The following TRPC4 variants were observed in gnomAD, a reference collection of about 807,000 sequenced individuals.
The protein encoded by TRPC4 is transient receptor potential cation channel subfamily C member 4, also known as short transient receptor potential channel 4.
Under a neutral mutation model 99.4 loss-of-function variants are expected in TRPC4, and 49 were observed. That is an observed-to-expected ratio of 0.49 (90% CI 0.39 to 0.63). The LOEUF (loss-of-function observed/expected upper bound fraction) is 0.63. Ranked by LOEUF, TRPC4 falls within the 20% of genes least tolerant of loss-of-function variation. The probability of loss-of-function intolerance (pLI) is 0.00; values close to 1 mark genes in which losing one functional copy is unlikely to be tolerated. For missense variants in TRPC4, 898 were observed against 1,152.9 expected, an observed-to-expected ratio of 0.78 and a Z score of 3.20; for synonymous variants, 454 against 425.9, an observed-to-expected ratio of 1.07 and a Z score of -0.81.
chr13:37,865,579 A>G (rs969532216), intron 1 of TRPC4, among the ~76,000 whole-genome samples: 10 of 151,872 alleles, frequency 6.6e-5, no homozygotes, highest in Admixed American at 1.3e-4. Flanking sequence ...TTAACAGACT[A>G]TTGTTTCAAA....
At chr13:37,767,160 A>G (rs1956398735) in intron 2 of TRPC4, among the ~76,000 whole-genome samples, 1 of 151,284 alleles carries the variant, frequency 6.6e-6, no homozygotes, top group African/African-American at 2.4e-5. Flanking sequence ...TTTCCTTCTC[A>G]TTCATTGCCT....
At position 37,725,900 on chromosome 13, in the gene TRPC4, A is replaced by G. The variant is rs568854419; in HGVS notation, c.897+20037T>C. Reference sequence around the variant, plus strand: ...AATAAAGATCACAGCAAAAGTGAGTATGTAGATAACTAAAAAGTTAGTATT... The same window carrying G: ...AATAAAGATCACAGCAAAAGTGAGTGTGTAGATAACTAAAAAGTTAGTATT... On this transcript the variant is annotated intron_variant, in intron 3 of 10. Coordinates refer to ENST00000379705, the MANE Select transcript of TRPC4 (RefSeq NM_016179.4). Among the ~76,000 whole-genome samples the G allele has an allele frequency of 2.5e-3, 386 of 152,282 alleles. 1 individual carries two copies. Among genetic ancestry groups the G allele is most frequent in the African/African-American group, 8.6e-3 (359 of 41,570 alleles).
chr13:37,779,551 G>A (rs1225616142), intron 2 of TRPC4, among the ~76,000 whole-genome samples: 1 of 151,832 alleles, frequency 6.6e-6, no homozygotes, highest in African/African-American at 2.4e-5. Context: ...ATTACATGCT[G>A]CATTGAGAAA....
chr13:37,854,440 A>G lies in TRPC4; in HGVS notation c.-28+15155T>C, dbSNP rs559970323. Among the ~76,000 whole-genome samples, 11 of 152,272 alleles carry G rather than the reference A, an allele frequency of 7.2e-5. No homozygotes were observed. In the South Asian group the frequency reaches 2.3e-3, roughly 32 times the overall value. ...AAGAAATGTTAAAGAAAGTTCTTCA[A>G]TCTAAAAGAAAATGGTGTTGATGAT... On this transcript the variant is annotated intron_variant, in intron 1 of 10. Coordinates refer to ENST00000379705, the MANE Select transcript of TRPC4 (RefSeq NM_016179.4).
intron 2 of TRPC4, among the ~76,000 whole-genome samples, chr13:37,763,909 C>T (rs894996198): frequency 3.3e-5 from 5 of 151,498 alleles, no homozygotes; most frequent in East Asian, 1.9e-4. Flanking sequence ...AGGTGACTAA[C>T]GCATGATGAA....
At chr13:37,656,597 T>C (rs1249265745) in intron 6 of TRPC4, among the ~76,000 whole-genome samples, 2 of 152,164 alleles carry the variant, frequency 1.3e-5, no homozygotes, top group African/African-American at 2.4e-5. Flanking sequence ...GCCTGTGGCA[T>C]GCATTAAGGC....
At chr13:37,748,726 A>G (rs1038848539) in intron 2 of TRPC4, among the ~76,000 whole-genome samples, 1 of 152,142 alleles carries the variant, frequency 6.6e-6, no homozygotes, top group Non-Finnish European at 1.5e-5. Flanking sequence ...AATATTGCAG[A>G]AAATTTTATT....
intron 3 of TRPC4, among the ~76,000 whole-genome samples, chr13:37,696,255 G>A (rs1022881733): frequency 1.3e-5 from 2 of 151,948 alleles, no homozygotes; most frequent in Admixed American, 1.3e-4. Flanking sequence ...TCTCCCACCG[G>A]GTCTCTCCCA....
In TRPC4 at chr13:37,783,016, T is replaced by C. The variant is rs774541121; in HGVS notation, c.318A>G (p.Lys106=). 1.2e-6 allele frequency: 2 copies of C among 1,609,420 alleles called. No individual in the cohort carries two copies. Among genetic ancestry groups the C allele is most frequent in the African/African-American group, 2.7e-5 (2 of 74,740 alleles). Residue 106 remains lysine (K), a synonymous_variant, in exon 2 of 11, where the codon AAA becomes AAG. Transcript: ENST00000379705. ...ACAGCTCAACAGCTCCGACGACTTCTTTTCTGATAGCATGTAATAGAGCAT... is the reference window on the plus strand; with the variant it reads ...ACAGCTCAACAGCTCCGACGACTTCCTTTCTGATAGCATGTAATAGAGCAT... The part of the protein sequence containing the change: ...VGDALLHAIR[K]EVVGAVELLL...
chr13:37,672,677 G>C (rs1410437815), intron 5 of TRPC4, among the ~76,000 whole-genome samples: 1 of 152,186 alleles, frequency 6.6e-6, no homozygotes, highest in Non-Finnish European at 1.5e-5. Flanking sequence ...AATCATGACA[G>C]AAGAAGGGGA....
intron 1 of TRPC4, among the ~76,000 whole-genome samples, chr13:37,806,602 C>G (rs546630124): frequency 1.9e-4 from 29 of 152,148 alleles, no homozygotes; most frequent in African/African-American, 6.0e-4. Context: ...CCATGGACAA[C>G]TGCAATGACA....
intron 1 of TRPC4, among the ~76,000 whole-genome samples, chr13:37,824,183 G>T (rs1278952922): frequency 3.3e-5 from 5 of 150,700 alleles, no homozygotes; most frequent in African/African-American, 1.2e-4. Flanking sequence ...CTGAGACAAT[G>T]GGGTTTTCTA....
At chr13:37,666,290 G>A (rs1422098353) in intron 5 of TRPC4, among the ~76,000 whole-genome samples, 1 of 152,148 alleles carries the variant, frequency 6.6e-6, no homozygotes, top group African/African-American at 2.4e-5. Context: ...CCTCTCCTGT[G>A]GTACAAACCC....
chr13:37,645,305 A>T (rs1049830203), intron 8 of TRPC4, among the ~76,000 whole-genome samples: 1 of 152,150 alleles, frequency 6.6e-6, no homozygotes. Flanking sequence ...CCGGAATTTC[A>T]ATAGAAGTTT....
rs1052292569 is a variant in TRPC4, at chr13:37,633,882, A to G, written c.*3021T>C. 2.6e-5 allele frequency among the ~76,000 whole-genome samples: 4 copies of G among 152,138 alleles called. No individual in the cohort carries two copies. Among genetic ancestry groups the G allele is most frequent in the Non-Finnish European group, 5.9e-5 (4 of 67,994 alleles). On this transcript the variant is annotated 3_prime_UTR_variant, in exon 11 of 11. Coordinates refer to ENST00000379705, the MANE Select transcript of TRPC4 (RefSeq NM_016179.4). ...AGCCAATTTCCTTACTGAAGTTAAT[A>G]TAGATTTATTTGCACAGAAATTTTA... is the stretch of plus-strand genomic sequence containing the variant.
At chr13:37,753,149 G>C (rs1173153958) in intron 2 of TRPC4, among the ~76,000 whole-genome samples, 2 of 151,956 alleles carry the variant, frequency 1.3e-5, no homozygotes, top group Non-Finnish European at 2.9e-5. Context: ...ATTTACACTG[G>C]TTGGAACTAG....
intron 1 of TRPC4, among the ~76,000 whole-genome samples, chr13:37,791,494 T>A (rs562498853): frequency 6.6e-6 from 1 of 151,824 alleles, no homozygotes; most frequent in African/African-American, 2.4e-5. Context: ...GAAATATACA[T>A]GGTGCTCAGG....
At chr13:37,780,640 T>C (rs1956813177) in intron 2 of TRPC4, among the ~76,000 whole-genome samples, 1 of 152,052 alleles carries the variant, frequency 6.6e-6, no homozygotes, top group Admixed American at 6.6e-5. Flanking sequence ...CCTTAGGAAA[T>C]GAATTACCAA....
chr13:37,746,508 G>T, intron 2 of TRPC4, 53 bp from the exon 3 acceptor site: 1 of 1,525,578 alleles, frequency 6.6e-7, no homozygotes. Flanking sequence ...GTTCAAGTCT[G>T]TGAATTTCAT....
Sources: gnomAD v4.1 joint callset for allele counts (sites outside exome capture counted in the v4.1 genomes callset) on GRCh38, gnomAD v4.1.1 for gene constraint, MANE v1.5 for transcripts, NCBI Gene and HGNC (gene_info 2026-07-23, HGNC 2026-07-21) for gene names.